RTF1: variants seen among roughly 807,000 people sequenced by gnomAD.
The protein encoded by RTF1 is RNA polymerase-associated protein RTF1 homolog.
In RTF1, 10 loss-of-function variants were observed where a neutral mutation model predicts 95.7. That is an observed-to-expected ratio of 0.10 (90% CI 0.06 to 0.18). The LOEUF is 0.18. Ranked by LOEUF, RTF1 falls within the 10% of genes least tolerant of loss-of-function variation. The pLI is 1.00. For synonymous variants in RTF1, 305 were observed against 311.8 expected (o/e 0.98, Z 0.23); for missense variants, 458 against 875.6 (o/e 0.52, Z 6.02).
rs762332136 is a variant in RTF1, at chr15:41,475,516, T to C, written c.1287-9T>C. On this transcript the variant is annotated splice_polypyrimidine_tract_variant and intron_variant, in intron 9 of 17. Transcript: ENST00000389629. Reference sequence around the variant, plus strand: ...CATTTCTTGGAGATGCTGTCTCTCTTTTATGTAGGCATGGCAATGACCAAC... The same window carrying C: ...CATTTCTTGGAGATGCTGTCTCTCTCTTATGTAGGCATGGCAATGACCAAC... The C allele has an allele frequency of 1.1e-5, 18 of 1,612,536 alleles. No homozygotes were observed. Among genetic ancestry groups the C allele is most frequent in the African/African-American group, 5.3e-5 (4 of 74,906 alleles).
At chr15:41,463,290 T>G (rs1211184612) in intron 4 of RTF1, among the ~76,000 whole-genome samples, 1 of 152,192 alleles carries the variant, frequency 6.6e-6, no homozygotes, top group Admixed American at 6.5e-5. Context: ...TGTGAACGTT[T>G]ATATACAACA....
At chr15:41,442,531 T>C (rs970058342) in intron 2 of RTF1, among the ~76,000 whole-genome samples, 1 of 152,074 alleles carries the variant, frequency 6.6e-6, no homozygotes, top group East Asian at 1.9e-4. Flanking sequence ...TCTTCTCGTT[T>C]CTTCAACTTT....
chr15:41,428,584 T>G (rs2140946760), intron 1 of RTF1, among the ~76,000 whole-genome samples: 1 of 151,452 alleles, frequency 6.6e-6, no homozygotes, highest in Middle Eastern at 3.4e-3. Flanking sequence ...TCCTTTTTTT[T>G]TTTTTGAAGA....
intron 2 of RTF1, 72 bp from the exon 3 acceptor site, chr15:41,452,829 T>C: frequency 1.8e-6 from 2 of 1,124,374 alleles, no homozygotes; most frequent in South Asian, 2.0e-5. Flanking sequence ...CTCTTAACTC[T>C]TGAGTCTTCC....
In RTF1 at chr15:41,483,481, G is replaced by GT. The variant is rs1159571982; in HGVS notation, c.*2799dup. 6.6e-6 allele frequency: 1 copy of GT among 152,528 alleles called. No homozygotes were observed. Among genetic ancestry groups the GT allele is most frequent in the East Asian group, 1.9e-4 (1 of 5,198 alleles). 9.4% of individuals were successfully genotyped at this position (152,528 alleles called of 1,614,324 possible). The stretch of plus-strand genomic sequence containing the variant: ...GCCTGCCACTCCCTTCAAAAAGAAT[G>GT]TTTTTGCTTTTGTGAAGTCCTGACT... On this transcript the variant is annotated 3_prime_UTR_variant, in exon 18 of 18. Coordinates refer to ENST00000389629, the MANE Select transcript of RTF1 (RefSeq NM_015138.5).
chr15:41,426,628 A>G (rs1166050764), intron 1 of RTF1, among the ~76,000 whole-genome samples: 11 of 98,790 alleles, frequency 1.1e-4, no homozygotes, highest in Non-Finnish European at 1.6e-4. Flanking sequence ...TTTAGTAGAG[A>G]TGGGGTTTTT....
chr15:41,435,316 A>G (rs2050696329), intron 1 of RTF1, among the ~76,000 whole-genome samples: 1 of 151,894 alleles, frequency 6.6e-6, no homozygotes. Context: ...GTATATTAGA[A>G]AAGTATATTA....
At chr15:41,464,209 G>A (rs1278258880) in intron 4 of RTF1, among the ~76,000 whole-genome samples, 8 of 151,492 alleles carry the variant, frequency 5.3e-5, no homozygotes, top group Non-Finnish European at 5.9e-5. Flanking sequence ...AGGCTAGAGT[G>A]GCGCAGATGA....
intron 1 of RTF1, among the ~76,000 whole-genome samples, chr15:41,437,718 G>A (rs1407048998): frequency 6.6e-6 from 1 of 152,064 alleles, no homozygotes; most frequent in African/African-American, 2.4e-5. Context: ...CTGTCATTTC[G>A]CTTAAATGAC....
At chr15:41,418,029 C>T (rs192463942) in intron 1 of RTF1, among the ~76,000 whole-genome samples, 7 of 152,302 alleles carry the variant, frequency 4.6e-5, no homozygotes, top group African/African-American at 1.7e-4. Flanking sequence ...CAGGCCTCCT[C>T]TTGGCCCTTT....
At chr15:41,441,602 A>G (rs955732583) in intron 2 of RTF1, among the ~76,000 whole-genome samples, 1 of 152,154 alleles carries the variant, frequency 6.6e-6, no homozygotes, top group Non-Finnish European at 1.5e-5. Context: ...AAAATTCTTC[A>G]TGGTTTAGGG....
At chr15:41,422,767 C>T (rs1315599720) in intron 1 of RTF1, among the ~76,000 whole-genome samples, 1 of 152,090 alleles carries the variant, frequency 6.6e-6, no homozygotes, top group South Asian at 2.1e-4. Flanking sequence ...ATAGGCCCCC[C>T]TAAGTATTTT....
chr15:41,476,313 C>G, intron 11 of RTF1, 133 bp from the exon 12 acceptor site: 1 of 699,872 alleles, frequency 1.4e-6, no homozygotes, highest in South Asian at 1.5e-5. Context: ...CTCTCTCTCT[C>G]TGGGGCATGA....
At chr15:41,427,156 T>A (rs1261632026) in intron 1 of RTF1, among the ~76,000 whole-genome samples, 1 of 127,126 alleles carries the variant, frequency 7.9e-6, no homozygotes, top group Non-Finnish European at 1.6e-5. Flanking sequence ...TTTTTTTTTT[T>A]TTTTTTTTTT....
At chr15:41,470,650 CTTTTTTTTTTTT>C (rs58221683) in intron 7 of RTF1, among the ~76,000 whole-genome samples, 6 of 75,442 alleles carry the variant, frequency 8.0e-5, no homozygotes, top group Admixed American at 6.5e-4. Flanking sequence ...CATTCATTTT[CTTTTTTTTTTTT>C]TTTTTTTTTT....
chr15:41,469,328 T>C (rs115426796), intron 6 of RTF1, among the ~76,000 whole-genome samples: 256 of 152,194 alleles, frequency 1.7e-3, no homozygotes, highest in African/African-American at 6.0e-3. Flanking sequence ...CTTAGATTAA[T>C]GGTAGCATAT....
chr15:41,418,784 C>CAAAAAAAAAA (rs753790136), intron 1 of RTF1, among the ~76,000 whole-genome samples: 2 of 52,772 alleles, frequency 3.8e-5, no homozygotes, highest in African/African-American at 6.3e-5. Context: ...AACTCCATCA[C>CAAAAAAAAAA]AAAAAAAAAA....
At chr15:41,454,485 A>G (rs909108698) in intron 3 of RTF1, among the ~76,000 whole-genome samples, 56 of 152,184 alleles carry the variant, frequency 3.7e-4, no homozygotes, top group African/African-American at 1.4e-3. Flanking sequence ...GATAAAGTTG[A>G]TTTACTCAAG....
At chr15:41,477,725 TTA>T in intron 14 of RTF1, 1 of 580,042 alleles carries the variant, frequency 1.7e-6, no homozygotes, top group Non-Finnish European at 3.1e-6. Flanking sequence ...CTTCCCACCC[TTA>T]GATTCTACTC....
Sources: gnomAD v4.1 joint callset for allele counts (sites outside exome capture counted in the v4.1 genomes callset) on GRCh38, gnomAD v4.1.1 for gene constraint, MANE v1.5 for transcripts, NCBI Gene and HGNC (gene_info 2026-07-23, HGNC 2026-07-21) for gene names.